The following FMNL2 variants were observed in gnomAD, a reference collection of about 807,000 sequenced individuals.
The protein encoded by FMNL2 is formin-like protein 2.
FMNL2 carries 51 observed loss-of-function variants against 130.2 expected under a neutral mutation model. The ratio of observed to expected loss-of-function variants is 0.39; its 90% CI spans 0.31 to 0.49. The LOEUF is 0.49. Among genes scored for constraint, FMNL2 ranks in the 20% least tolerant of loss-of-function variants. The probability of loss-of-function intolerance (pLI) is 0.85; values close to 1 mark genes in which losing one functional copy is unlikely to be tolerated. For missense variants in FMNL2, 977 were observed against 1,316.2 expected, an observed-to-expected ratio of 0.74 and a Z score of 3.99; for synonymous variants, 465 against 467.1, an observed-to-expected ratio of 1.00 and a Z score of 0.06.
At chr2:152,454,941 C>T (rs1253403012) in intron 1 of FMNL2, among the ~76,000 whole-genome samples, 1 of 152,166 alleles carries the variant, frequency 6.6e-6, no homozygotes, top group African/African-American at 2.4e-5. Flanking sequence ...AGTGCTGCGT[C>T]AGGGTGGGAA....
chr2:152,474,235 C>T (rs1261135574), intron 1 of FMNL2, among the ~76,000 whole-genome samples: 1 of 152,198 alleles, frequency 6.6e-6, no homozygotes, highest in Non-Finnish European at 1.5e-5. Context: ...CCCAGTGTTA[C>T]CTGCTCATCC....
intron 21 of FMNL2, among the ~76,000 whole-genome samples, chr2:152,633,528 A>G (rs1386108908): frequency 6.6e-6 from 1 of 152,220 alleles, no homozygotes; most frequent in Non-Finnish European, 1.5e-5. Context: ...GCACTGTTAC[A>G]GGGACAAATG....
chr2:152,558,139 C>T (rs555557320), intron 4 of FMNL2, among the ~76,000 whole-genome samples: 158 of 152,172 alleles, frequency 1.0e-3, no homozygotes, highest in African/African-American at 3.4e-3. Flanking sequence ...TGTCATGTGC[C>T]GGCCTTGATG....
chr2:152,560,860 A>G (rs540777546), intron 5 of FMNL2, 23 bp from the exon 6 acceptor site: 6 of 1,595,656 alleles, frequency 3.8e-6, no homozygotes, highest in South Asian at 2.2e-5. Context: ...TCAGTCTTCA[A>G]TGGCATTTCT....
chr2:152,526,773 T>C (rs193015432), intron 2 of FMNL2, among the ~76,000 whole-genome samples: 1 of 152,256 alleles, frequency 6.6e-6, no homozygotes, highest in African/African-American at 2.4e-5. Context: ...TTCATTCTTT[T>C]GATTGTGCAT....
intron 1 of FMNL2, among the ~76,000 whole-genome samples, chr2:152,387,689 T>A (rs1039395987): frequency 1.6e-4 from 24 of 152,098 alleles, no homozygotes; most frequent in African/African-American, 5.3e-4. Context: ...GGGGTCTCTC[T>A]GTCATACGGG....
intron 1 of FMNL2, chr2:152,390,186 C>T (rs1430917496): frequency 1.5e-6 from 2 of 1,329,472 alleles, no homozygotes; most frequent in African/African-American, 2.9e-5. Flanking sequence ...GGAGCTGGAC[C>T]TGGTGGTCCC....
At chr2:152,391,148 T>C (rs1558821685) in intron 1 of FMNL2, among the ~76,000 whole-genome samples, 1 of 152,226 alleles carries the variant, frequency 6.6e-6, no homozygotes, top group Non-Finnish European at 1.5e-5. Flanking sequence ...ACTTGAATCA[T>C]AGCACTGCGT....
Position 152,485,827 on chromosome 2 carries a change from G to A in FMNL2, c.118-36116G>A, listed in dbSNP as rs1690796985. 1.3e-5 allele frequency among the ~76,000 whole-genome samples: 2 copies of A among 152,146 alleles called. 1 individual carries two copies. The highest frequency in any genetic ancestry group is 4.1e-4 in the South Asian group (2 of 4,828). The stretch of plus-strand genomic sequence containing the variant: ...AGACTGCATCCCCTCTCATTCTACA[G>A]GTAAAGAATAGTTTGAAGAGAAAGC... On this transcript the variant is annotated intron_variant, in intron 1 of 25. Coordinates refer to ENST00000288670, the MANE Select transcript of FMNL2 (RefSeq NM_052905.4).
At chr2:152,547,011 T>C (rs778457103) in intron 3 of FMNL2, among the ~76,000 whole-genome samples, 2 of 151,172 alleles carry the variant, frequency 1.3e-5, no homozygotes, top group African/African-American at 4.9e-5. Flanking sequence ...AGTGGCCCGA[T>C]TTCGGCTTGC....
At chr2:152,523,009 A>G (rs1693179271) in intron 2 of FMNL2, among the ~76,000 whole-genome samples, 1 of 152,168 alleles carries the variant, frequency 6.6e-6, no homozygotes, top group South Asian at 2.1e-4. Context: ...CCGGGCCCCA[A>G]TGCCGTGTGC....
intron 3 of FMNL2, among the ~76,000 whole-genome samples, chr2:152,547,627 T>G (rs1579934481): frequency 6.6e-6 from 1 of 152,286 alleles, no homozygotes; most frequent in African/African-American, 2.4e-5. Flanking sequence ...CAGGCCTTCA[T>G]GGGCCACCAA....
chr2:152,510,337 G>A (rs1692428397), intron 1 of FMNL2, among the ~76,000 whole-genome samples: 1 of 152,158 alleles, frequency 6.6e-6, no homozygotes, highest in African/African-American at 2.4e-5. Context: ...CTGTAAAGAG[G>A]ACTAACAAAT....
chr2:152,377,102 T>A (rs184719846), intron 1 of FMNL2, among the ~76,000 whole-genome samples: 3 of 152,376 alleles, frequency 2.0e-5, no homozygotes, highest in East Asian at 1.9e-4. Context: ...TTGTCAGAAT[T>A]GTGGCAGGGA....
At chr2:152,593,860 A>AGT (rs70974873) in intron 9 of FMNL2, among the ~76,000 whole-genome samples, 2,063 of 112,940 alleles carry the variant, frequency 0.018, 32 homozygotes, top group African/African-American at 0.022. Context: ...AGAGAGAGAG[A>AGT]GTGTGTGTGT....
Position 152,607,235 on chromosome 2 carries a change from AAGAT to A in FMNL2, c.877-98_877-95del, listed in dbSNP as rs1442796934. On this transcript the variant is annotated intron_variant, in intron 9 of 25. Coordinates refer to ENST00000288670, the MANE Select transcript of FMNL2 (RefSeq NM_052905.4). ...AAGTAAATAGTTTATGAGAGAGAAA[AAGAT>A]AGATATTCTGGAAATCATTATTAAG... The A allele has an allele frequency of 9.5e-6, 9 of 946,596 alleles. No individual in the cohort carries two copies. In the African/African-American group the frequency reaches 9.8e-5, roughly 10 times the overall value. The allele number at this position is 946,596 out of a possible 1,614,324, so 58.6% of individuals were successfully genotyped here.
intron 15 of FMNL2, 56 bp downstream of exon 15, chr2:152,619,774 G>A (rs1466239664): frequency 2.2e-5 from 35 of 1,563,240 alleles, no homozygotes; most frequent in Middle Eastern, 1.7e-4. Context: ...GTCTTATCTC[G>A]GAGAGTTGAA....
intron 1 of FMNL2, among the ~76,000 whole-genome samples, chr2:152,402,283 G>T (rs1685749138): frequency 1.3e-5 from 2 of 152,208 alleles, no homozygotes; most frequent in Non-Finnish European, 2.9e-5. Flanking sequence ...GTATGAACAG[G>T]TGTGCTCTAA....
chr2:152,376,902 G>A (rs1432843674), intron 1 of FMNL2, among the ~76,000 whole-genome samples: 1 of 152,142 alleles, frequency 6.6e-6, no homozygotes, highest in Non-Finnish European at 1.5e-5. Flanking sequence ...AACTTTGAGG[G>A]CATGTGATCA....
Sources: allele counts gnomAD v4.1 joint callset (sites outside exome capture counted in the v4.1 genomes callset), GRCh38; gene constraint gnomAD v4.1.1; transcripts MANE v1.5; gene names NCBI Gene and HGNC (gene_info 2026-07-23, HGNC 2026-07-21).